CWH43: variants seen among roughly 807,000 people sequenced by gnomAD.
The protein encoded by CWH43 is PGAP2-interacting protein.
Under a neutral mutation model 85.7 loss-of-function variants are expected in CWH43, and 91 were observed. The observed-to-expected ratio is 1.06, with a 90% CI of 0.90 to 1.26. CWH43 has a LOEUF of 1.26. Among genes scored for constraint, CWH43 ranks in the 50% most tolerant of loss-of-function variants. CWH43 has a pLI of 0.00. For synonymous variants in CWH43, 323 were observed against 293.6 expected, an observed-to-expected ratio of 1.10 and a Z score of -1.02; for missense variants, 869 against 839.2, an observed-to-expected ratio of 1.04 and a Z score of -0.44.
At position 49,050,703 on chromosome 4, in the gene CWH43, T is replaced by C; in HGVS notation, c.1875T>C (p.Tyr625=). ...IMYRGLIRLG[Y]ARISHAELSD... Reference sequence around the variant, plus strand: ...TCTGTTTCTGCTACAGGTTGGGTTATGCAAGAATCTCCCATGCTGAACTGA... The same window carrying C: ...TCTGTTTCTGCTACAGGTTGGGTTACGCAAGAATCTCCCATGCTGAACTGA... Residue 625 remains tyrosine (Y), a synonymous_variant, in exon 15 of 16, where the codon TAT becomes TAC. Transcript: ENST00000226432. The C allele has an allele frequency of 1.2e-6, 2 of 1,611,608 alleles. No individual in the cohort carries two copies. Among genetic ancestry groups the C allele is most frequent in the Non-Finnish European group, 8.5e-7 (1 of 1,179,090 alleles).
intron 8 of CWH43, among the ~76,000 whole-genome samples, chr4:49,013,072 T>C (rs1424467961): frequency 6.6e-6 from 1 of 152,258 alleles, no homozygotes; most frequent in African/African-American, 2.4e-5. Context: ...CTCCTGCCTT[T>C]TGTTCAGCTA....
chr4:49,038,951 G>A (rs1415202905), intron 13 of CWH43, among the ~76,000 whole-genome samples: 13 of 151,558 alleles, frequency 8.6e-5, no homozygotes, highest in Non-Finnish European at 8.8e-5. Context: ...CCAGCTACTC[G>A]GGAGGCTGAG....
In CWH43 at chr4:48,986,653, C is replaced by G; in HGVS notation, c.43+181C>G. On this transcript the variant is annotated intron_variant, in intron 1 of 15. Coordinates refer to ENST00000226432, the MANE Select transcript of CWH43 (RefSeq NM_025087.3). ...CTACTGAAGGGAATAAAGGAAAAGA[C>G]CTAGATTGAAGTCTTCAAGCTGAGT... 2.9e-6 allele frequency: 4 copies of G among 1,392,636 alleles called. No homozygotes were observed. In the South Asian group the frequency reaches 4.8e-5, roughly 17 times the overall value. 86.3% of individuals were successfully genotyped at this position (1,392,636 alleles called of 1,614,324 possible).
intron 12 of CWH43, among the ~76,000 whole-genome samples, chr4:49,036,295 G>C (rs181389919): frequency 3.9e-5 from 6 of 152,154 alleles, no homozygotes; most frequent in Non-Finnish European, 5.9e-5. Flanking sequence ...TCAGGGCATA[G>C]AGAAAGGACA....
At chr4:49,015,007 C>A (rs1382532975) in intron 8 of CWH43, among the ~76,000 whole-genome samples, 1 of 152,128 alleles carries the variant, frequency 6.6e-6, no homozygotes, top group East Asian at 1.9e-4. Context: ...TTTCTCTGCC[C>A]TAAACATCCC....
At position 49,003,986 on chromosome 4, in the gene CWH43, C is replaced by A; in HGVS notation, c.1054C>A (p.Leu352Ile). Residue 352 changes from leucine to isoleucine, a missense_variant, in exon 7 of 16, where the codon CTT (leucine) becomes ATT (isoleucine). Coordinates refer to ENST00000226432, the MANE Select transcript of CWH43 (RefSeq NM_025087.3). ...CTACGCTAGAGAAAGATCAGATGTG[C>A]TTTTGGGTGAGTACATTTGAAAGGT... Reference protein sequence around the residue: ...GVYARERSDVLLGTMMLIIGL... With the variant: ...GVYARERSDVILGTMMLIIGL... 1.2e-6 allele frequency: 2 copies of A among 1,608,826 alleles called. No homozygotes were observed. Among genetic ancestry groups the A allele is most frequent in the Non-Finnish European group, 8.5e-7 (1 of 1,178,600 alleles).
intron 9 of CWH43, among the ~76,000 whole-genome samples, chr4:49,023,155 T>G (rs1783804617): frequency 6.6e-6 from 1 of 152,188 alleles, no homozygotes. Context: ...GTTTCAAACT[T>G]TTTGATACAG....
rs1183877322 is a variant in CWH43, at chr4:48,988,558, T to C, written c.125T>C (p.Leu42Pro). The change falls in exon 2 of 16, where the codon CTT (leucine) becomes CCT (proline). Residue 42 changes from leucine (L) to proline (P), a missense_variant. By Grantham distance (98) the Leu-to-Pro change is moderately conservative. Transcript: ENST00000226432. ...TTGCAAACACTAGAACTCACTGGGC[T>C]TGAAGGTTTTAGTATAGCATTTCTT... ...FPLQTLELTG[L>P]EGFSIAFLSP... 1.2e-6 allele frequency: 2 copies of C among 1,613,560 alleles called. No individual in the cohort carries two copies. Among genetic ancestry groups the C allele is most frequent in the Admixed American group, 3.3e-5 (2 of 60,004 alleles).
At chr4:49,000,974 C>A (rs1482990291) in intron 6 of CWH43, among the ~76,000 whole-genome samples, 3 of 152,210 alleles carry the variant, frequency 2.0e-5, no homozygotes, top group Non-Finnish European at 4.4e-5. Flanking sequence ...GCTTAATTAT[C>A]TGGAGGTGGT....
rs1480715679 is a variant in CWH43 at position 49,021,670 on chromosome 4, C to T, written c.1266+4342C>T. Reference sequence around the variant, plus strand: ...GGTTATTTTCACAATATTGATTCTACCCATCCATGAGCATGGATATGTTTG... The same window carrying T: ...GGTTATTTTCACAATATTGATTCTATCCATCCATGAGCATGGATATGTTTG... On this transcript the variant is annotated intron_variant, in intron 9 of 15. Coordinates refer to ENST00000226432, the MANE Select transcript of CWH43 (RefSeq NM_025087.3). Among the ~76,000 whole-genome samples the T allele has an allele frequency of 5.9e-5, 9 of 152,222 alleles. No homozygotes were observed. In the East Asian group the frequency reaches 1.5e-3, roughly 26 times the overall value.
intron 9 of CWH43, among the ~76,000 whole-genome samples, chr4:49,023,538 C>G (rs1783813726): frequency 6.6e-6 from 1 of 152,046 alleles, no homozygotes; most frequent in South Asian, 2.1e-4. Context: ...CCACATCCAG[C>G]TAAATTTTGT....
chr4:49,059,886 C>T (rs1364334046), intron 15 of CWH43, among the ~76,000 whole-genome samples: 1 of 152,106 alleles, frequency 6.6e-6, no homozygotes, highest in Non-Finnish European at 1.5e-5. Flanking sequence ...CTGCAGGAGC[C>T]ACCCTGGTGC....
intron 9 of CWH43, among the ~76,000 whole-genome samples, chr4:49,018,899 A>G (rs1783645646): frequency 1.3e-5 from 2 of 152,224 alleles, no homozygotes; most frequent in Non-Finnish European, 2.9e-5. Flanking sequence ...TAATAAGTAG[A>G]TAATAGTAGA....
At chr4:48,988,840 C>G (rs1161237941) in intron 2 of CWH43, among the ~76,000 whole-genome samples, 172 bp downstream of exon 2, 1 of 152,150 alleles carries the variant, frequency 6.6e-6, no homozygotes, top group Non-Finnish European at 1.5e-5. Context: ...GACTGAGAGT[C>G]AATGTGTTTT....
intron 8 of CWH43, among the ~76,000 whole-genome samples, chr4:49,011,843 C>T (rs2109774703): frequency 6.6e-6 from 1 of 152,338 alleles, no homozygotes; most frequent in East Asian, 1.9e-4. Flanking sequence ...AAAAGATCCG[C>T]TGTTAGTCTG....
chr4:49,048,115 G>C (rs1285456385), intron 14 of CWH43, among the ~76,000 whole-genome samples: 1 of 152,112 alleles, frequency 6.6e-6, no homozygotes, highest in Non-Finnish European at 1.5e-5. Context: ...GGAAATTCTA[G>C]AAAACGACTT....
chr4:49,007,171 A>G (rs749650251), intron 7 of CWH43, 30 bp from the exon 8 acceptor site: 4 of 1,594,894 alleles, frequency 2.5e-6, no homozygotes, highest in Non-Finnish European at 2.6e-6. Context: ...GGATCAGACT[A>G]TAACATATTC....
chr4:49,052,272 A>G (rs1447202351), intron 15 of CWH43, among the ~76,000 whole-genome samples: 2 of 152,136 alleles, frequency 1.3e-5, no homozygotes, highest in Non-Finnish European at 2.9e-5. Context: ...GTCTGGTTCA[A>G]ATCCTCACTC....
rs561418857 is a variant in CWH43, at chr4:49,062,040, A to G, written c.*150A>G. 47 of 435,994 alleles carry G rather than the reference A, an allele frequency of 1.1e-4. No homozygotes were observed. The highest frequency in any genetic ancestry group is 7.8e-4 in the African/African-American group (39 of 50,244). 27.0% of individuals were successfully genotyped at this position (435,994 alleles called of 1,614,324 possible). A position where few individuals can be genotyped will look rare whatever the true frequency, so the allele number is the denominator to read the frequency against. The stretch of plus-strand genomic sequence containing the variant: ...ATCTATGCAGTGGGAAATTACCTCC[A>G]TTTGTAAACTATGTTGCTTAATAAA... On this transcript the variant is annotated 3_prime_UTR_variant, in exon 16 of 16. Transcript: ENST00000226432.
Sources: allele counts gnomAD v4.1 joint callset (sites outside exome capture counted in the v4.1 genomes callset), GRCh38; gene constraint gnomAD v4.1.1; transcripts MANE v1.5; gene names NCBI Gene and HGNC (gene_info 2026-07-23, HGNC 2026-07-21).